CCL24: variants seen among roughly 807,000 people sequenced by gnomAD.
The protein encoded by CCL24 is C-C motif chemokine 24.
Under a neutral mutation model 8.6 loss-of-function variants are expected in CCL24, and 6 were observed. The observed-to-expected ratio is 0.70, with a 90% CI of 0.38 to 1.38. CCL24 has a LOEUF of 1.38. CCL24 is among the 40% of genes most tolerant of loss of function. The pLI is 0.02. For synonymous variants in CCL24, 59 were observed against 52.7 expected (o/e 1.12, Z -0.52); for missense variants, 126 against 147.1 (o/e 0.86, Z 0.74).
At chr7:75,821,282 T>C (rs968737728) in intron 1 of CCL24, among the ~76,000 whole-genome samples, 1 of 151,502 alleles carries the variant, frequency 6.6e-6, no homozygotes, top group Admixed American at 6.6e-5. Flanking sequence ...AGCAGAGGGG[T>C]GACTTGGCCA....
At chr7:75,819,249 C>T (rs2115802971) in intron 1 of CCL24, among the ~76,000 whole-genome samples, 1 of 85,314 alleles carries the variant, frequency 1.2e-5, no homozygotes, top group South Asian at 4.4e-4. Flanking sequence ...GACTGGGCAA[C>T]AAGAGTGAAA....
intron 2 of CCL24, among the ~76,000 whole-genome samples, chr7:75,813,039 G>A (rs1047372717): frequency 6.6e-6 from 1 of 151,712 alleles, no homozygotes; most frequent in Admixed American, 6.6e-5. Flanking sequence ...GGAGGTTGAG[G>A]CTGCAATGCA....
At chr7:75,820,280 G>T (rs1459077917) in intron 1 of CCL24, among the ~76,000 whole-genome samples, 1 of 151,616 alleles carries the variant, frequency 6.6e-6, no homozygotes, top group Admixed American at 6.6e-5. Flanking sequence ...CCTGGTTCAG[G>T]CAATTCTCCT....
At chr7:75,820,018 A>ATGTCTT (rs1554534775) in intron 1 of CCL24, among the ~76,000 whole-genome samples, 4 of 104,908 alleles carry the variant, frequency 3.8e-5, no homozygotes, top group Admixed American at 1.0e-4. Context: ...TTAGTAAACT[A>ATGTCTT]CTTCTTCTTC....
At chr7:75,819,754 T>C (rs1803985168) in intron 1 of CCL24, among the ~76,000 whole-genome samples, 1 of 152,054 alleles carries the variant, frequency 6.6e-6, no homozygotes, top group South Asian at 2.1e-4. Flanking sequence ...AAAAAAATCC[T>C]GTGTCTTCTT....
upstream of CCL24, among the ~76,000 whole-genome samples, chr7:75,817,581 G>A (rs112317116): frequency 3.3e-5 from 5 of 150,322 alleles, no homozygotes. Flanking sequence ...CAGCTCACTG[G>A]AGCCTCAACC....
chr7:75,813,506 C>T, intron 1 of CCL24, 83 bp from the exon 2 acceptor site: 2 of 1,261,024 alleles, frequency 1.6e-6, no homozygotes, highest in Non-Finnish European at 2.3e-6. Flanking sequence ...TTGAACCCTG[C>T]ACCAAACACC....
At chr7:75,819,004 C>A (rs1042654640) in intron 1 of CCL24, among the ~76,000 whole-genome samples, 1 of 150,908 alleles carries the variant, frequency 6.6e-6, no homozygotes, top group South Asian at 2.1e-4. Context: ...GGCCAGGGCT[C>A]ACGCTTGTAA....
chr7:75,814,463 G>A (rs1410060290), upstream of CCL24, among the ~76,000 whole-genome samples: 1 of 152,110 alleles, frequency 6.6e-6, no homozygotes, highest in Non-Finnish European at 1.5e-5. Context: ...CTCTTGGGGA[G>A]GCTGAGGTGG....
chr7:75,819,234 C>T (rs1296167156), intron 1 of CCL24, among the ~76,000 whole-genome samples: 13 of 117,428 alleles, frequency 1.1e-4, no homozygotes, highest in South Asian at 5.7e-4. Context: ...CACCATTGCA[C>T]GCCAGACTGG....
At chr7:75,819,284 AAAAAAAAAAAAAAAAAAAAAT>A (rs1349584009) in intron 1 of CCL24, among the ~76,000 whole-genome samples, 38 of 26,234 alleles carry the variant, frequency 1.4e-3, no homozygotes, top group South Asian at 2.8e-3. Context: ...AAAAAAAAAA[AAAAAAAAAAAAAAAAAAAAAT>A]ATATATATAT....
chr7:75,811,265 G>A lies in CCL24; in HGVS notation c.*531C>T, dbSNP rs1218964747. On this transcript the variant is annotated 3_prime_UTR_variant, in exon 3 of 3. Coordinates refer to ENST00000222902, the MANE Select transcript of CCL24 (RefSeq NM_002991.3). ...AGGCCGAGGCAGGTAGATCACTTGA[G>A]GCCAGGAGTTTGAGACCAGCCTGGC... Among the ~76,000 whole-genome samples the A allele has an allele frequency of 6.6e-6, 1 of 151,692 alleles. No individual in the cohort carries two copies. Among genetic ancestry groups the A allele is most frequent in the Admixed American group, 6.6e-5 (1 of 15,200 alleles).
chr7:75,822,043 G>A (rs934882139), intron 1 of CCL24, among the ~76,000 whole-genome samples: 5 of 152,016 alleles, frequency 3.3e-5, no homozygotes, highest in South Asian at 2.1e-4. Context: ...CAGAGATTGC[G>A]GTGAGCCAAG....
intron 1 of CCL24, among the ~76,000 whole-genome samples, chr7:75,820,018 A>ACTTCTTCTTCTTCTTCTTCTT (rs1204717433): frequency 2.6e-4 from 27 of 104,900 alleles, no homozygotes; most frequent in East Asian, 1.3e-3. Flanking sequence ...TTAGTAAACT[A>ACTTCTTCTTCTTCTTCTTCTT]CTTCTTCTTC....
chr7:75,819,961 A>G (rs1554534759), intron 1 of CCL24, among the ~76,000 whole-genome samples: 1 of 151,582 alleles, frequency 6.6e-6, no homozygotes, highest in Non-Finnish European at 1.5e-5. Flanking sequence ...TTTACCCATG[A>G]TCTCATGTGA....
upstream of CCL24, among the ~76,000 whole-genome samples, chr7:75,814,971 T>A (rs901735744): frequency 5.3e-5 from 8 of 151,284 alleles, no homozygotes; most frequent in Non-Finnish European, 8.8e-5. Context: ...CATGAATCCC[T>A]GCCAAGGGTC....
chr7:75,811,638 G>T lies in CCL24; in HGVS notation c.*158C>A. On this transcript the variant is annotated 3_prime_UTR_variant, in exon 3 of 3. Coordinates refer to ENST00000222902, the MANE Select transcript of CCL24 (RefSeq NM_002991.3). ...TCAGCCCCCGGGAACCACATCACCT[G>T]CTCCCTCGGGTTTTTCATAGAAGAG... The T allele has an allele frequency of 1.6e-6, 1 of 630,562 alleles. No homozygotes were observed. The highest frequency in any genetic ancestry group is 2.6e-6 in the Non-Finnish European group (1 of 380,112). The allele number at this position is 630,562 out of a possible 1,614,324, so 39.1% of individuals were successfully genotyped here.
At chr7:75,818,054 C>T (rs142496586), upstream of CCL24, among the ~76,000 whole-genome samples, 149 of 151,838 alleles carry the variant, frequency 9.8e-4, 1 homozygote, top group East Asian at 0.026. Flanking sequence ...TAGTCTCAAA[C>T]TCTTAATCTC....
chr7:75,813,903 G>T, upstream of CCL24: 1 of 505,250 alleles, frequency 2.0e-6, no homozygotes, highest in Admixed American at 3.1e-5. Flanking sequence ...GAGGCCTGTG[G>T]TCTGGAAAGA....
Sources: allele counts gnomAD v4.1 joint callset (sites outside exome capture counted in the v4.1 genomes callset), GRCh38; gene constraint gnomAD v4.1.1; transcripts MANE v1.5; gene names NCBI Gene and HGNC (gene_info 2026-07-23, HGNC 2026-07-21).